BIRC3: variants seen among roughly 807,000 people sequenced by gnomAD.
BIRC3 encodes the protein baculoviral IAP repeat-containing protein 3.
A neutral mutation model predicts 59.0 loss-of-function variants in BIRC3; 26 were observed. That is an observed-to-expected ratio of 0.44 (90% CI 0.32 to 0.61). The LOEUF (loss-of-function observed/expected upper bound fraction) is 0.61, where lower values mean the gene tolerates loss of function less well. Among genes scored for constraint, BIRC3 ranks in the 20% least tolerant of loss-of-function variants. BIRC3 has a pLI of 0.04. For missense variants in BIRC3, 641 were observed against 711.5 expected, an observed-to-expected ratio of 0.90 and a Z score of 1.13; for synonymous variants, 243 against 249.2, an observed-to-expected ratio of 0.98 and a Z score of 0.24.
Position 102,324,466 on chromosome 11 carries a change from C to T in BIRC3, c.-44C>T, listed in dbSNP as rs775866384. ...AGCAAAGCCATGCACAAAACTACCTCCCTAGAGAAAGGCTAGTCCCTTTTC... is the reference window on the plus strand; with the variant it reads ...AGCAAAGCCATGCACAAAACTACCTTCCTAGAGAAAGGCTAGTCCCTTTTC... On this transcript the variant is annotated 5_prime_UTR_variant, in exon 2 of 9. Transcript: ENST00000263464. The T allele has an allele frequency of 6.5e-7, 1 of 1,546,450 alleles. No homozygotes were observed. Among genetic ancestry groups the T allele is most frequent in the Admixed American group, 2.0e-5 (1 of 49,364 alleles).
intron 5 of BIRC3, among the ~76,000 whole-genome samples, chr11:102,329,932 A>T (rs576348265): frequency 1.3e-5 from 1 of 77,066 alleles, no homozygotes; most frequent in Admixed American, 1.4e-4. Flanking sequence ...AACTTAAAGT[A>T]AAATAATTTA....
At chr11:102,317,935 G>A (rs1431395006) in intron 1 of BIRC3, among the ~76,000 whole-genome samples, 1 of 152,294 alleles carries the variant, frequency 6.6e-6, no homozygotes, top group South Asian at 2.1e-4. Flanking sequence ...TCTGGCACAG[G>A]AAGGAAGTAA....
rs751452848 is a variant in BIRC3, at chr11:102,337,099, A to G, written c.1812A>G (p.Ser604=). ...AGGGTACAGTTCGTACATTTCTTTC[A>G]TGAAGAAGAACCAAAACATCGTCTA... ...TIKGTVRTFL[S] is the part of the protein sequence containing the mutation. The change falls in exon 9 of 9, where the codon TCA becomes TCG. Residue 604 remains serine, a synonymous_variant. Transcript: ENST00000263464. 2.0e-6 allele frequency: 3 copies of G among 1,489,786 alleles called. No individual in the cohort carries two copies. The highest frequency in any genetic ancestry group is 8.9e-7 in the Non-Finnish European group (1 of 1,125,926). 92.3% of individuals were successfully genotyped at this position (1,489,786 alleles called of 1,614,324 possible).
In BIRC3 at chr11:102,324,655, G is replaced by C; in HGVS notation, c.146G>C (p.Ser49Thr). 10 of 1,614,206 alleles carry C rather than the reference G, an allele frequency of 6.2e-6. No homozygotes were observed. Among genetic ancestry groups the C allele is most frequent in the Non-Finnish European group, 8.5e-6 (10 of 1,180,022 alleles). ...GCTGGGGTTCCTGTCTCAGAAAGGA[G>C]TCTTGCTCGTGCTGGTTTCTATTAC... ...FPAGVPVSER[S>T]LARAGFYYTG... is the part of the protein sequence containing the mutation. Residue 49 changes from serine (S) to threonine (T), a missense_variant, in exon 2 of 9, where the codon AGT (serine) becomes ACT (threonine). Transcript: ENST00000263464.
At chr11:102,326,676 A>G in intron 3 of BIRC3, 2 of 453,926 alleles carry the variant, frequency 4.4e-6, no homozygotes, top group Non-Finnish European at 8.8e-6. Flanking sequence ...ATCGATTAAT[A>G]AATGTGGCAT....
At position 102,328,279 on chromosome 11, in the gene BIRC3, T is replaced by C. The variant is rs539597478; in HGVS notation, c.1032+149T>C. On this transcript the variant is annotated intron_variant, in intron 4 of 8. Transcript: ENST00000263464. ...TCAAACCTGACATGATTTTAGAAAG[T>C]ATTATTCTTTGGAGAAAAATAGATC... The C allele has an allele frequency of 1.9e-4, 126 of 664,672 alleles. No individual in the cohort carries two copies. The South Asian group carries it at 2.2e-3, about 12-fold the overall frequency. The allele number at this position is 664,672 out of a possible 1,614,324, so 41.2% of individuals were successfully genotyped here. A position where few individuals can be genotyped will look rare whatever the true frequency, so the allele number is the denominator to read the frequency against.
intron 1 of BIRC3, 81 bp downstream of exon 1, chr11:102,317,652 G>C (rs1429528556): frequency 6.5e-6 from 1 of 152,970 alleles, no homozygotes; most frequent in African/African-American, 2.4e-5. Flanking sequence ...CGCCTCCCCT[G>C]GTGTAAGAGA....
rs1487279244 is a variant in BIRC3, at chr11:102,336,223, G to T, written c.1579+3G>T. On this transcript the variant is annotated splice_donor_region_variant and intron_variant, in intron 7 of 8. Transcript: ENST00000263464. ...TGTGTTATATGAGCATTTATTTGGT[G>T]AGTGATAGAAAATTATTTTTAAAAA... 1.3e-6 allele frequency: 2 copies of T among 1,572,776 alleles called. No individual in the cohort carries two copies. Among genetic ancestry groups the T allele is most frequent in the South Asian group, 1.2e-5 (1 of 84,570 alleles).
rs1951052766 is a variant in BIRC3 at position 102,323,598 on chromosome 11, C to G, written c.-912C>G. 1 of 190,720 alleles carries G rather than the reference C, an allele frequency of 5.2e-6. No individual in the cohort carries two copies. Among genetic ancestry groups the G allele is most frequent in the Non-Finnish European group, 1.1e-5 (1 of 91,072 alleles). The allele number at this position is 190,720 out of a possible 1,614,324, so 11.8% of individuals were successfully genotyped here. A position where few individuals can be genotyped will look rare whatever the true frequency, so the allele number is the denominator to read the frequency against. ...CTTAAGCAATCATATTCCTGATGAT[C>G]TATGGGAAATAACTATTATTTAATT... On this transcript the variant is annotated 5_prime_UTR_variant, in exon 2 of 9. It adds an upstream start codon to the 5' untranslated region. Coordinates refer to ENST00000263464, the MANE Select transcript of BIRC3 (RefSeq NM_001165.5).
In BIRC3 at chr11:102,325,220, T is replaced by G. The variant is rs752740710; in HGVS notation, c.711T>G (p.Asn237Lys). 6.2e-7 allele frequency: 1 copy of G among 1,613,996 alleles called. No individual in the cohort carries two copies. Among genetic ancestry groups the G allele is most frequent in the Non-Finnish European group, 8.5e-7 (1 of 1,179,992 alleles). The change falls in exon 2 of 9, where the codon AAT becomes AAG. Residue 237 changes from asparagine (N) to lysine (K), a missense_variant. Asn to Lys is a moderately conservative substitution (Grantham distance 94). This residue lies in a region of BIRC3 where 329 missense variants were observed against 365.6 expected (regional missense o/e 0.90). Transcript: ENST00000263464. The stretch of plus-strand genomic sequence containing the variant: ...TTCCCAAATGCCCATTTATAGAAAA[T>G]CAGCTTCAAGACACTTCAAGATACA... ...RHFPKCPFIE[N>K]QLQDTSRYTV...
At position 102,324,590 on chromosome 11, in the gene BIRC3, A is replaced by G; in HGVS notation, c.81A>G (p.Ser27=). 6.2e-7 allele frequency: 1 copy of G among 1,614,186 alleles called. No homozygotes were observed. The highest frequency in any genetic ancestry group is 8.5e-7 in the Non-Finnish European group (1 of 1,179,990). ...CGTTTGAACTGAAATACGACTTGTC[A>G]TGTGAACTGTACCGAATGTCTACGT... ...ANTFELKYDL[S]CELYRMSTYS... is the part of the protein sequence containing the mutation. The change falls in exon 2 of 9, where the codon TCA becomes TCG. Residue 27 remains serine, a synonymous_variant. Coordinates refer to ENST00000263464, the MANE Select transcript of BIRC3 (RefSeq NM_001165.5).
rs1951043819 is a variant in BIRC3, at chr11:102,322,757, C to A, written c.-1753C>A. 7.9e-6 allele frequency: 1 copy of A among 127,292 alleles called. No individual in the cohort carries two copies. 7.9% of individuals were successfully genotyped at this position (127,292 alleles called of 1,614,324 possible). A position where few individuals can be genotyped will look rare whatever the true frequency, so the allele number is the denominator to read the frequency against. Reference sequence around the variant, plus strand: ...CCCAACGTCTGTGAGATCCAGGAAACCATGCTTGCAAACCACTGGTAAAAA... The same window carrying A: ...CCCAACGTCTGTGAGATCCAGGAAAACATGCTTGCAAACCACTGGTAAAAA... On this transcript the variant is annotated 5_prime_UTR_variant, in exon 2 of 9. Transcript: ENST00000263464.
chr11:102,328,967 G>C (rs774016826), intron 5 of BIRC3, 22 bp downstream of exon 5: 1 of 1,385,292 alleles, frequency 7.2e-7, no homozygotes, highest in Non-Finnish European at 9.6e-7. Flanking sequence ...GGATAATAAT[G>C]AATGCATTTA....
At position 102,336,817 on chromosome 11, in the gene BIRC3, T is replaced by C; in HGVS notation, c.1621+16T>C. 6.2e-7 allele frequency: 1 copy of C among 1,602,764 alleles called. No individual in the cohort carries two copies. Among genetic ancestry groups the C allele is most frequent in the Non-Finnish European group, 8.5e-7 (1 of 1,175,554 alleles). ...GATGTTTCAGGTAATAGTACTAATA[T>C]TTTAAATCAATAGAGAACATTGTCT... On this transcript the variant is annotated intron_variant, in intron 8 of 8. Transcript: ENST00000263464.
rs1220590978 is a variant in BIRC3 at position 102,331,207 on chromosome 11, G to A, written c.1290G>A (p.Glu430=). ...ATGCAGAAGATGAAATAAGGGAAGA[G>A]GAGAGAGAAAGAGCAACTGAGGAAA... The part of the protein sequence containing the change: ...LLNAEDEIRE[E]ERERATEEKE... The change falls in exon 6 of 9, where the codon GAG becomes GAA. Residue 430 remains glutamate, a synonymous_variant. Transcript: ENST00000263464. The A allele has an allele frequency of 3.7e-6, 6 of 1,611,350 alleles. No individual in the cohort carries two copies. In the South Asian group the frequency reaches 4.4e-5, roughly 12 times the overall value.
intron 1 of BIRC3, 44 bp downstream of exon 1, chr11:102,317,615 GTGTGTGTGTA>G (rs1246449798): frequency 2.0e-5 from 3 of 153,760 alleles, no homozygotes; most frequent in African/African-American, 7.2e-5. Context: ...GTGTGCGTGT[GTGTGTGTGTA>G]TGTGTGCGCG....
intron 3 of BIRC3, among the ~76,000 whole-genome samples, chr11:102,327,772 CA>C (rs970978620): frequency 1.2e-4 from 18 of 151,980 alleles, no homozygotes; most frequent in African/African-American, 4.1e-4. Context: ...AAAATTCACA[CA>C]AAAAATTTGA....
rs749715948 is a variant in BIRC3 at position 102,336,768 on chromosome 11, G to C, written c.1588G>C (p.Asp530His). ...TTCTTTTTCTCCCTTAGTGCAACAG[G>C]ACATAAAATATATTCCCACAGAAGA... ...VLYEHLFVQQ[D>H]IKYIPTEDVS... Residue 530 changes from aspartate to histidine, a missense_variant, in exon 8 of 9, where the codon GAC becomes CAC. Asp to His is a moderately conservative substitution (Grantham distance 81). Coordinates refer to ENST00000263464, the MANE Select transcript of BIRC3 (RefSeq NM_001165.5). 1 of 1,607,272 alleles carries C rather than the reference G, an allele frequency of 6.2e-7. No individual in the cohort carries two copies. Among genetic ancestry groups the C allele is most frequent in the Non-Finnish European group, 8.5e-7 (1 of 1,176,790 alleles).
intron 6 of BIRC3, among the ~76,000 whole-genome samples, chr11:102,334,073 T>C (rs1261457724): frequency 6.6e-6 from 1 of 152,208 alleles, no homozygotes; most frequent in African/African-American, 2.4e-5. Context: ...AGCAATTAAA[T>C]TTTAGAAATC....
Sources: allele counts gnomAD v4.1 joint callset (sites outside exome capture counted in the v4.1 genomes callset), GRCh38; gene constraint gnomAD v4.1.1; regional missense constraint gnomAD v4.1.1; transcripts MANE v1.5; gene names NCBI Gene and HGNC (gene_info 2026-07-23, HGNC 2026-07-21).